LMAN2L: variants seen among roughly 807,000 people sequenced by gnomAD.
The protein encoded by LMAN2L is VIP36-like protein.
Under a neutral mutation model 44.3 loss-of-function variants are expected in LMAN2L, and 30 were observed. That is an observed-to-expected ratio of 0.68 (90% CI 0.51 to 0.92). LMAN2L has a LOEUF of 0.92. LMAN2L is among the 40% of genes least tolerant of loss of function. The pLI, the probability that LMAN2L is intolerant of heterozygous loss-of-function variation, is 0.00. For missense variants in LMAN2L, 429 were observed against 446.1 expected (o/e 0.96, Z 0.35); for synonymous variants, 183 against 171.1 (o/e 1.07, Z -0.54).
chr2:96,728,425 G>A (rs2078317012), intron 4 of LMAN2L, among the ~76,000 whole-genome samples: 1 of 149,140 alleles, frequency 6.7e-6, no homozygotes, highest in African/African-American at 2.5e-5. Flanking sequence ...AGAATGGCCT[G>A]AACCCAGGAG....
chr2:96,711,528 A>C, intron 6 of LMAN2L, 128 bp downstream of exon 6: 1 of 632,628 alleles, frequency 1.6e-6, no homozygotes, highest in Non-Finnish European at 2.8e-6. Context: ...GCAGAAGGAG[A>C]AGCAGTCTTG....
chr2:96,711,326 G>A (rs1299533423), intron 6 of LMAN2L, among the ~76,000 whole-genome samples: 1 of 152,126 alleles, frequency 6.6e-6, no homozygotes, highest in Non-Finnish European at 1.5e-5. Context: ...GAAGGGGAAC[G>A]GGGAACATTA....
At chr2:96,715,411 C>T (rs759701740) in intron 4 of LMAN2L, among the ~76,000 whole-genome samples, 1 of 152,208 alleles carries the variant, frequency 6.6e-6, no homozygotes, top group African/African-American at 2.4e-5. Context: ...TCACTAAATG[C>T]CATCTTATTT....
chr2:96,717,954 A>G (rs2078075029), intron 4 of LMAN2L, among the ~76,000 whole-genome samples: 1 of 151,898 alleles, frequency 6.6e-6, no homozygotes, highest in Non-Finnish European at 1.5e-5. Flanking sequence ...CCCCTAAAGG[A>G]CCAACTTTTT....
intron 4 of LMAN2L, among the ~76,000 whole-genome samples, chr2:96,717,463 T>C (rs2078062029): frequency 6.7e-6 from 1 of 148,858 alleles, no homozygotes; most frequent in Non-Finnish European, 1.5e-5. Context: ...GCCTGAGAAG[T>C]TGAGGCTACA....
intron 4 of LMAN2L, among the ~76,000 whole-genome samples, chr2:96,714,912 G>T (rs1202751466): frequency 6.6e-6 from 1 of 152,068 alleles, no homozygotes; most frequent in African/African-American, 2.4e-5. Flanking sequence ...AGTCTCATTC[G>T]TATGGCTAGA....
intron 4 of LMAN2L, among the ~76,000 whole-genome samples, chr2:96,723,884 C>T (rs1262474760): frequency 3.3e-5 from 5 of 151,892 alleles, no homozygotes; most frequent in African/African-American, 7.3e-5. Context: ...ATCAGGAGAT[C>T]GAGACCATCC....
rs1474727406 is a variant in LMAN2L, at chr2:96,737,136, C to T, written c.306+813G>A. On this transcript the variant is annotated intron_variant, in intron 2 of 7. Coordinates refer to ENST00000264963, the MANE Select transcript of LMAN2L (RefSeq NM_030805.4). The stretch of plus-strand genomic sequence containing the variant: ...AAACAGAAAAGAAAGCATCATCTTA[C>T]ACTTGTACAAAATCACAGTGCAGCC... 1.1e-5 allele frequency: 5 copies of T among 456,238 alleles called. No individual in the cohort carries two copies. In the East Asian group the frequency reaches 2.8e-4, roughly 25 times the overall value. The allele number at this position is 456,238 out of a possible 1,614,324, so 28.3% of individuals were successfully genotyped here. A position where few individuals can be genotyped will look rare whatever the true frequency, so the allele number is the denominator to read the frequency against.
Position 96,707,336 on chromosome 2 carries a change from C to T in LMAN2L, c.967G>A (p.Val323Met), listed in dbSNP as rs759912874. 6.2e-7 allele frequency: 1 copy of T among 1,613,896 alleles called. No homozygotes were observed. The highest frequency in any genetic ancestry group is 1.1e-5 in the South Asian group (1 of 91,064). ...ATGACTATGGCAAATACAGAAAACA[C>T]CAGGGAGAAAAAGACGATGAGGAAG... ...ALFLIVFFSLVFSVFAIVIGI... is the reference protein window; with the variant it reads ...ALFLIVFFSLMFSVFAIVIGI... The change falls in exon 8 of 8, where the codon GTG becomes ATG. Residue 323 changes from valine (V) to methionine (M), a missense_variant. Val to Met is a conservative substitution (Grantham distance 21). Coordinates refer to ENST00000264963, the MANE Select transcript of LMAN2L (RefSeq NM_030805.4).
intron 6 of LMAN2L, among the ~76,000 whole-genome samples, chr2:96,708,784 A>C (rs2077844171): frequency 6.6e-6 from 1 of 152,046 alleles, no homozygotes; most frequent in Non-Finnish European, 1.5e-5. Context: ...TGTGACTCTT[A>C]ATCTCCCTAA....
rs1215991751 is a variant in LMAN2L, at chr2:96,711,993, G to A, written c.540C>T (p.Asn180=). 8.1e-6 allele frequency: 13 copies of A among 1,614,116 alleles called. No individual in the cohort carries two copies. Among genetic ancestry groups the A allele is most frequent in the African/African-American group, 1.3e-5 (1 of 74,944 alleles). The change falls in exon 5 of 8, where the codon AAC becomes AAT. Residue 180 remains asparagine, a synonymous_variant. Transcript: ENST00000264963. The part of the protein sequence containing the change: ...RVFPYISAMV[N]NGSLSYDHER... ...CATGATCATAGCTGAGGGAGCCGTT[G>A]TTCACCATGGCTGAGATGTAGGGGA... is the stretch of plus-strand genomic sequence containing the variant.
intron 4 of LMAN2L, among the ~76,000 whole-genome samples, chr2:96,729,601 C>G (rs992083220): frequency 4.6e-5 from 7 of 151,848 alleles, no homozygotes; most frequent in Non-Finnish European, 1.0e-4. Flanking sequence ...CTCCGTCTCC[C>G]AGGTTCAAGT....
chr2:96,709,980 G>A (rs1342967803), intron 6 of LMAN2L, among the ~76,000 whole-genome samples: 1 of 152,188 alleles, frequency 6.6e-6, no homozygotes, highest in Non-Finnish European at 1.5e-5. Context: ...TAAGCTCAAA[G>A]GAAAATGTGT....
chr2:96,734,526 GC>G lies in LMAN2L; in HGVS notation c.307-1del. The G allele has an allele frequency of 6.3e-7, 1 of 1,575,822 alleles. No individual in the cohort carries two copies. Among genetic ancestry groups the G allele is most frequent in the Non-Finnish European group, 8.7e-7 (1 of 1,144,976 alleles). ...AACTCCCAGTCTCTCAGGAAACATG[GC>G]TAAAGTGAGAAAGACATTAGAATCA... On this transcript the variant is annotated splice_acceptor_variant, in intron 2 of 7. Coordinates refer to ENST00000264963, the MANE Select transcript of LMAN2L (RefSeq NM_030805.4). LOFTEE classifies it high-confidence loss of function.
chr2:96,732,329 A>G (rs1406483874), intron 4 of LMAN2L, among the ~76,000 whole-genome samples: 1 of 151,950 alleles, frequency 6.6e-6, no homozygotes, highest in Non-Finnish European at 1.5e-5. Context: ...GGACATAGAG[A>G]GAGTACAAAC....
intron 2 of LMAN2L, 26 bp from the exon 3 acceptor site, chr2:96,734,552 A>C: frequency 7.0e-7 from 1 of 1,430,132 alleles, no homozygotes; most frequent in African/African-American, 1.4e-5. Flanking sequence ...CATTAGAATC[A>C]ATGAGGAGCA....
At position 96,711,877 on chromosome 2, in the gene LMAN2L, T is replaced by C. The variant is rs2077927984; in HGVS notation, c.656A>G (p.Lys219Arg). The C allele has an allele frequency of 6.2e-6, 10 of 1,614,210 alleles. No individual in the cohort carries two copies. The East Asian group carries it at 2.0e-4, about 32-fold the overall frequency. ...AAGGACTCTCACCGTCAAATGCCTCTTGACGTAGCGAATCACCAGGAAGGT... is the reference window on the plus strand; with the variant it reads ...AAGGACTCTCACCGTCAAATGCCTCCTGACGTAGCGAATCACCAGGAAGGT... ...YDTFLVIRYV[K>R]RHLTIMMDID... is the part of the protein sequence containing the mutation. The change falls in exon 5 of 8, where the codon AAG becomes AGG. Residue 219 changes from lysine to arginine, a missense_variant. Coordinates refer to ENST00000264963, the MANE Select transcript of LMAN2L (RefSeq NM_030805.4).
intron 6 of LMAN2L, among the ~76,000 whole-genome samples, chr2:96,708,066 G>A (rs1370510859): frequency 2.0e-5 from 3 of 152,188 alleles, no homozygotes; most frequent in African/African-American, 7.2e-5. Context: ...ATAGAAGATC[G>A]CTGACTTAAA....
chr2:96,726,413 TAA>T (rs1201681022), intron 4 of LMAN2L, among the ~76,000 whole-genome samples: 3 of 152,086 alleles, frequency 2.0e-5, no homozygotes, highest in Non-Finnish European at 4.4e-5. Context: ...ACAGAAGTGA[TAA>T]GAGTGAATAT....
Sources: gnomAD v4.1 joint callset for allele counts (sites outside exome capture counted in the v4.1 genomes callset) on GRCh38, gnomAD v4.1.1 for gene constraint, MANE v1.5 for transcripts, NCBI Gene and HGNC (gene_info 2026-07-23, HGNC 2026-07-21) for gene names.